Variants in PRDM11 observed in about 807,000 individuals in gnomAD.
PRDM11 encodes PR domain-containing protein 11.
In PRDM11, 20 loss-of-function variants were observed where a neutral mutation model predicts 97.8. The ratio of observed to expected loss-of-function variants is 0.20; its 90% confidence interval spans 0.14 to 0.30. The LOEUF is 0.30. Among genes scored for constraint, PRDM11 ranks in the 10% least tolerant of loss-of-function variants. PRDM11 has a pLI of 1.00. For missense variants in PRDM11, 1,139 were observed against 1,555.2 expected, an observed-to-expected ratio of 0.73 and a Z score of 4.50; for synonymous variants, 599 against 637.7, an observed-to-expected ratio of 0.94 and a Z score of 0.91.
intron 1 of PRDM11, among the ~76,000 whole-genome samples, chr11:45,115,141 ATGTGTGTGTGTG>A (rs72077365): frequency 1.3e-5 from 2 of 149,424 alleles, no homozygotes; most frequent in Non-Finnish European, 3.0e-5. Context: ...TGTATATAGC[ATGTGTGTGTGTG>A]TGTGTGTGTA....
intron 1 of PRDM11, among the ~76,000 whole-genome samples, chr11:45,158,978 T>C (rs1851867978): frequency 6.6e-6 from 1 of 151,878 alleles, no homozygotes; most frequent in South Asian, 2.1e-4. Flanking sequence ...CCGCCCTCCC[T>C]CTCCTTGAGC....
chr11:45,152,819 G>A (rs543509823), intron 1 of PRDM11, among the ~76,000 whole-genome samples: 4 of 152,150 alleles, frequency 2.6e-5, no homozygotes, highest in East Asian at 1.9e-4. Flanking sequence ...TGAGCCCTCC[G>A]GCCTAACCCG....
At chr11:45,178,658 T>G (rs993632661) in intron 1 of PRDM11, among the ~76,000 whole-genome samples, 2 of 152,170 alleles carry the variant, frequency 1.3e-5, no homozygotes, top group Non-Finnish European at 2.9e-5. Context: ...TTGGTGAATA[T>G]TTACTGAGAA....
At chr11:45,164,015 C>T (rs1036447235) in intron 1 of PRDM11, among the ~76,000 whole-genome samples, 5 of 152,206 alleles carry the variant, frequency 3.3e-5, no homozygotes, top group African/African-American at 1.2e-4. Flanking sequence ...TCATGAGATC[C>T]AGGTTTGAAT....
chr11:45,199,089 A>G (rs1853233810), intron 4 of PRDM11, among the ~76,000 whole-genome samples: 2 of 152,254 alleles, frequency 1.3e-5, no homozygotes, highest in African/African-American at 2.4e-5. Context: ...AATTATTACC[A>G]TGGTCTAAAA....
Position 45,104,881 on chromosome 11 carries a change from C to T in PRDM11, c.96+8980C>T, listed in dbSNP as rs115270313. Among the ~76,000 whole-genome samples, 473 of 152,300 alleles carry T rather than the reference C, an allele frequency of 3.1e-3. 6 individuals are homozygous for T. Among genetic ancestry groups the T allele is most frequent in the African/African-American group, 0.011 (453 of 41,560 alleles). ...CAGCTTCCCAGGCCTCCTTCCTTCACGGAGCTCCTGGGACCATCTCCTCCT... is the reference window on the plus strand; with the variant it reads ...CAGCTTCCCAGGCCTCCTTCCTTCATGGAGCTCCTGGGACCATCTCCTCCT... On this transcript the variant is annotated intron_variant, in intron 1 of 6. Transcript: ENST00000530656.
rs1280338939 is a variant in PRDM11 at position 45,234,857 on chromosome 11, T to C, written c.*6698T>C. ...TTTCATGTCAATCACAAAGGAAAAA[T>C]AAGTGGGGATGGGGGGAAATACCTA... On this transcript the variant is annotated 3_prime_UTR_variant, in exon 8 of 8. Transcript: ENST00000683152. 1 of 151,882 alleles carries C rather than the reference T, an allele frequency of 6.6e-6. No individual in the cohort carries two copies. The highest frequency in any genetic ancestry group is 1.5e-5 in the Non-Finnish European group (1 of 68,018). 9.4% of individuals were successfully genotyped at this position (151,882 alleles called of 1,614,324 possible). A position where few individuals can be genotyped will look rare whatever the true frequency, so the allele number is the denominator to read the frequency against.
chr11:45,180,268 G>A (rs923691023), intron 1 of PRDM11, among the ~76,000 whole-genome samples: 1 of 152,204 alleles, frequency 6.6e-6, no homozygotes, highest in Non-Finnish European at 1.5e-5. Context: ...CTGGCATAAC[G>A]CAGCCAGGAG....
intron 5 of PRDM11, 112 bp downstream of exon 5, chr11:45,204,890 C>T (rs991429465): frequency 6.8e-6 from 8 of 1,169,628 alleles, no homozygotes; most frequent in Admixed American, 5.6e-5. Context: ...TGGAGGCTGC[C>T]GTTTGCAGGG....
chr11:45,138,377 G>T (rs1852922110), intron 1 of PRDM11, among the ~76,000 whole-genome samples: 1 of 152,096 alleles, frequency 6.6e-6, no homozygotes, highest in South Asian at 2.1e-4. Flanking sequence ...ACCAGCCTGG[G>T]GAACATAGTG....
At position 45,227,198 on chromosome 11, in the gene PRDM11, G is replaced by A. The variant is rs769423072; in HGVS notation, c.2573G>A (p.Arg858Gln). Residue 858 changes from arginine to glutamine, a missense_variant, in exon 8 of 8, where the codon CGG becomes CAG. Coordinates refer to ENST00000683152, the MANE Select transcript of PRDM11 (RefSeq NM_001384648.1). This position sits in a 1 kb window ranked among gnomAD's most constrained non-coding sequence, Gnocchi z 8.0. The part of the protein sequence containing the change: ...HLKEVSSQTQ[R>Q]ADASAIALAL... ...AAGGAGGTCAGCAGCCAGACCCAGC[G>A]GGCAGACGCCTCGGCCATCGCACTG... 4.2e-5 allele frequency: 64 copies of A among 1,533,850 alleles called. No individual in the cohort carries two copies. Among genetic ancestry groups the A allele is most frequent in the Admixed American group, 2.4e-4 (12 of 50,980 alleles).
intron 1 of PRDM11, among the ~76,000 whole-genome samples, chr11:45,104,533 G>T (rs963508651): frequency 6.6e-6 from 1 of 152,136 alleles, no homozygotes; most frequent in African/African-American, 2.4e-5. Flanking sequence ...ATGGGCAAGA[G>T]CCTCTCCATT....
chr11:45,205,216 C>T (rs1853465865), intron 5 of PRDM11, among the ~76,000 whole-genome samples: 1 of 152,198 alleles, frequency 6.6e-6, no homozygotes, highest in Non-Finnish European at 1.5e-5. Flanking sequence ...GTCTTCAGCT[C>T]AGTTTTTGAC....
rs1491275151 is a variant in PRDM11 at position 45,229,502 on chromosome 11, A to AAT, written c.*1343_*1344insAT. On this transcript the variant is annotated 3_prime_UTR_variant, in exon 8 of 8. Transcript: ENST00000683152. ...CACACAGACACACACACACACACAG[A>AAT]CACACACACACACACACAATCACAA... The AAT allele has an allele frequency of 6.7e-6, 1 of 149,892 alleles. No homozygotes were observed. The highest frequency in any genetic ancestry group is 1.5e-5 in the Non-Finnish European group (1 of 67,162). 9.3% of individuals were successfully genotyped at this position (149,892 alleles called of 1,614,324 possible).
intron 4 of PRDM11, 150 bp downstream of exon 4, chr11:45,183,273 C>A: frequency 8.6e-7 from 1 of 1,156,772 alleles, no homozygotes; most frequent in South Asian, 1.7e-5. Flanking sequence ...GTCCCCTGGC[C>A]CCGGCTGAGT....
intron 1 of PRDM11, among the ~76,000 whole-genome samples, chr11:45,151,181 A>C (rs566230937): frequency 8.8e-4 from 134 of 152,290 alleles, no homozygotes; most frequent in Middle Eastern, 3.4e-3. Context: ...CCCTGGTGCC[A>C]GGGCTGGTCT....
intron 1 of PRDM11, among the ~76,000 whole-genome samples, chr11:45,103,239 C>T (rs1400542425): frequency 6.6e-6 from 1 of 152,202 alleles, no homozygotes; most frequent in African/African-American, 2.4e-5. Flanking sequence ...GGGCCTGCCT[C>T]CTCCCCGGCC....
chr11:45,127,569 C>G (rs988403815), intron 1 of PRDM11, among the ~76,000 whole-genome samples: 1 of 152,226 alleles, frequency 6.6e-6, no homozygotes, highest in African/African-American at 2.4e-5. Flanking sequence ...GGACCCTCAG[C>G]TGCAGGTCTG....
chr11:45,178,748 A>G (rs1852392745), intron 1 of PRDM11, among the ~76,000 whole-genome samples: 1 of 152,222 alleles, frequency 6.6e-6, no homozygotes, highest in Non-Finnish European at 1.5e-5. Flanking sequence ...TCTCACTCTC[A>G]GGTGCCAGTC....
Sources: gnomAD v4.1 joint callset for allele counts (sites outside exome capture counted in the v4.1 genomes callset) on GRCh38, gnomAD v4.1.1 for gene constraint, Gnocchi (gnomAD v3.1) non-coding constraint, MANE v1.5 for transcripts, NCBI Gene and HGNC (gene_info 2026-07-23, HGNC 2026-07-21) for gene names.